The following ENPP6 variants were observed in gnomAD, a reference collection of about 807,000 sequenced individuals.
ENPP6 encodes the protein ectonucleotide pyrophosphatase/phosphodiesterase 6, also known as glycerophosphocholine cholinephosphodiesterase ENPP6.
A neutral mutation model predicts 42.0 loss-of-function variants in ENPP6; 32 were observed. The ratio of observed to expected loss-of-function variants is 0.76; its 90% CI spans 0.58 to 1.02. The LOEUF is 1.02. Ranked by LOEUF, ENPP6 falls within the 50% of genes least tolerant of loss-of-function variation. The pLI is 0.00. For missense variants in ENPP6, 552 were observed against 566.8 expected (o/e 0.97, Z 0.27); for synonymous variants, 213 against 216.0 (o/e 0.99, Z 0.12).
At chr4:184,215,168 C>T (rs1733178058) in intron 1 of ENPP6, among the ~76,000 whole-genome samples, 1 of 152,196 alleles carries the variant, frequency 6.6e-6, no homozygotes, top group Non-Finnish European at 1.5e-5. Context: ...CAACTCATCA[C>T]TCCTCGTTAT....
In ENPP6 at chr4:184,213,944, CA is replaced by C. The variant is rs1373478270; in HGVS notation, c.241+3634del. ...GATGAGTTCATGTCCTTTGTAGGGA[CA>C]TGGATGAAATTGGAAATCATCATTC... On this transcript the variant is annotated intron_variant, in intron 1 of 7. Transcript: ENST00000296741. Among the ~76,000 whole-genome samples the C allele has an allele frequency of 3.4e-5, 4 of 117,724 alleles. No homozygotes were observed. The East Asian group carries it at 8.9e-4, about 26-fold the overall frequency. 77.2% of individuals were successfully genotyped at this position (117,724 alleles called of 152,430 possible).
At chr4:184,143,105 C>G (rs2111369801) in intron 2 of ENPP6, among the ~76,000 whole-genome samples, 1 of 152,342 alleles carries the variant, frequency 6.6e-6, no homozygotes, top group Admixed American at 6.5e-5. Flanking sequence ...CCAAAGCCTC[C>G]TTCTCCTTCT....
chr4:184,135,675 G>C (rs921950195), intron 2 of ENPP6, among the ~76,000 whole-genome samples: 4 of 121,362 alleles, frequency 3.3e-5, no homozygotes, highest in African/African-American at 1.2e-4. Flanking sequence ...ATTTAACATA[G>C]GTGCAAAAAA....
At chr4:184,157,629 C>A (rs960172802) in intron 1 of ENPP6, among the ~76,000 whole-genome samples, 1 of 142,212 alleles carries the variant, frequency 7.0e-6, no homozygotes, top group African/African-American at 2.6e-5. Context: ...TTCTCTCTTT[C>A]TTCTTCCTGA....
intron 6 of ENPP6, among the ~76,000 whole-genome samples, chr4:184,106,237 G>A (rs572642693): frequency 2.0e-4 from 30 of 151,920 alleles, no homozygotes; most frequent in African/African-American, 3.4e-4. Flanking sequence ...GTTTCATCAC[G>A]TTGGCCAGGC....
rs760740487 is a variant in ENPP6, at chr4:184,174,327, GT to G, written c.242-20595del. Among the ~76,000 whole-genome samples the G allele has an allele frequency of 6.6e-5, 10 of 150,930 alleles. No individual in the cohort carries two copies. The East Asian group carries it at 7.8e-4, about 12-fold the overall frequency. On this transcript the variant is annotated intron_variant, in intron 1 of 7. Transcript: ENST00000296741. ...TAATTTTTGTATTTTTAGTAGTATA[GT>G]TTTTTTTTGAAATAAGTGGGGGCAT...
intron 6 of ENPP6, among the ~76,000 whole-genome samples, chr4:184,100,692 G>C (rs1445787825): frequency 1.3e-5 from 2 of 152,200 alleles, no homozygotes; most frequent in Non-Finnish European, 2.9e-5. Context: ...CTCCTCAACT[G>C]GTGGGGAGGG....
chr4:184,123,255 T>C (rs938945368), intron 3 of ENPP6, among the ~76,000 whole-genome samples: 1 of 152,098 alleles, frequency 6.6e-6, no homozygotes, highest in African/African-American at 2.4e-5. Context: ...GAGGCAGTTT[T>C]AGGGACAGGC....
chr4:184,091,445 G>A (rs998366788), intron 7 of ENPP6, 63 bp from the exon 8 acceptor site: 18 of 1,443,842 alleles, frequency 1.2e-5, no homozygotes, highest in Admixed American at 6.3e-5. Context: ...TGGGCTGAAC[G>A]CAATAAAGAA....
intron 1 of ENPP6, among the ~76,000 whole-genome samples, chr4:184,198,574 C>T (rs992238293): frequency 6.6e-6 from 1 of 152,212 alleles, no homozygotes; most frequent in African/African-American, 2.4e-5. Context: ...GTTTGCAAGT[C>T]TGCAGTGCAG....
At chr4:184,212,514 T>A (rs1733128461) in intron 1 of ENPP6, among the ~76,000 whole-genome samples, 1 of 150,824 alleles carries the variant, frequency 6.6e-6, no homozygotes, top group Non-Finnish European at 1.5e-5. Context: ...ATAAAATACC[T>A]AGGAATCCCA....
intron 1 of ENPP6, among the ~76,000 whole-genome samples, chr4:184,207,820 G>GC (rs1255283369): frequency 6.6e-6 from 1 of 152,170 alleles, no homozygotes; most frequent in African/African-American, 2.4e-5. Context: ...TCCAACAACA[G>GC]CAACTTATTT....
chr4:184,154,365 C>T (rs556498096), intron 1 of ENPP6, among the ~76,000 whole-genome samples: 5 of 152,302 alleles, frequency 3.3e-5, no homozygotes, highest in Admixed American at 1.3e-4. Flanking sequence ...AAGTGAGAGA[C>T]GCAAACGCTT....
chr4:184,098,523 G>T (rs902367493), intron 6 of ENPP6, among the ~76,000 whole-genome samples: 3 of 152,164 alleles, frequency 2.0e-5, no homozygotes, highest in Admixed American at 6.5e-5. Flanking sequence ...CTCCAAGCCA[G>T]CCTCCTCTCC....
chr4:184,095,733 A>T (rs1735890827), intron 7 of ENPP6, among the ~76,000 whole-genome samples: 1 of 151,714 alleles, frequency 6.6e-6, no homozygotes, highest in Admixed American at 6.6e-5. Context: ...TCCTTCCCAG[A>T]CCACTGCTTT....
At chr4:184,160,019 A>C (rs1170249661) in intron 1 of ENPP6, among the ~76,000 whole-genome samples, 8 of 152,220 alleles carry the variant, frequency 5.3e-5, no homozygotes, top group Non-Finnish European at 1.2e-4. Flanking sequence ...TCCATGGTGT[A>C]TATATACCAC....
intron 2 of ENPP6, among the ~76,000 whole-genome samples, chr4:184,146,324 G>A (rs772663540): frequency 1.1e-4 from 16 of 151,852 alleles, no homozygotes; most frequent in Non-Finnish European, 1.2e-4. Context: ...CCAGCTACTC[G>A]GGAGGCTGAG....
chr4:184,168,404 T>A (rs1737395170), intron 1 of ENPP6, among the ~76,000 whole-genome samples: 1 of 152,190 alleles, frequency 6.6e-6, no homozygotes, highest in Non-Finnish European at 1.5e-5. Flanking sequence ...TTACTTGATA[T>A]CTACAGACCA....
In ENPP6 at chr4:184,210,088, G is replaced by A. The variant is rs1481295057; in HGVS notation, c.241+7491C>T. On this transcript the variant is annotated intron_variant, in intron 1 of 7. Coordinates refer to ENST00000296741, the MANE Select transcript of ENPP6 (RefSeq NM_153343.4). ...TCCTAAAAGAGCTCCTGAAGGAAGC[G>A]CTAAACAGGGAAAGGAACAACCGGT... is the stretch of plus-strand genomic sequence containing the variant. Among the ~76,000 whole-genome samples, 23 of 151,432 alleles carry A rather than the reference G, an allele frequency of 1.5e-4. No homozygotes were observed. In the South Asian group the frequency reaches 1.9e-3, roughly 12 times the overall value.
Sources: gnomAD v4.1 joint callset for allele counts (sites outside exome capture counted in the v4.1 genomes callset) on GRCh38, gnomAD v4.1.1 for gene constraint, MANE v1.5 for transcripts, NCBI Gene and HGNC (gene_info 2026-07-23, HGNC 2026-07-21) for gene names.